Variants in ZNF169 observed in about 807,000 individuals in gnomAD.
The protein encoded by ZNF169 is zinc finger protein 169.
Under a neutral mutation model 12.0 loss-of-function variants are expected in ZNF169, and 11 were observed. The ratio of observed to expected loss-of-function variants is 0.92; its 90% CI spans 0.58 to 1.52. The LOEUF is 1.52. Among genes scored for constraint, ZNF169 ranks in the 40% most tolerant of loss-of-function variants. The pLI is 0.00. For missense variants in ZNF169, 722 were observed against 744.0 expected (o/e 0.97, Z 0.34); for synonymous variants, 302 against 286.5 (o/e 1.05, Z -0.55).
intron 1 of ZNF169, among the ~76,000 whole-genome samples, chr9:94,267,774 T>C (rs573679646): frequency 4.6e-4 from 70 of 152,286 alleles, no homozygotes; most frequent in African/African-American, 1.6e-3. Flanking sequence ...GTTTTTCCTC[T>C]ATTCTGATGT....
At position 94,300,106 on chromosome 9, in the gene ZNF169, G is replaced by A. The variant is rs769743544; in HGVS notation, c.548G>A (p.Gly183Glu). Reference protein sequence around the residue: ...VEWVEGNREGGTDLRLAQRMS... With the variant: ...VEWVEGNREGETDLRLAQRMS... ...TGGGTAGAAGGGAACAGAGAAGGAG[G>A]AACAGACCTTCGCCTGGCCCAAAGG... Residue 183 changes from glycine to glutamate, a missense_variant, in exon 5 of 5, where the codon GGA (glycine) becomes GAA (glutamate). Transcript: ENST00000395395. The A allele has an allele frequency of 8.1e-6, 13 of 1,614,042 alleles. No homozygotes were observed. The highest frequency in any genetic ancestry group is 1.1e-5 in the Non-Finnish European group (13 of 1,180,042).
At chr9:94,294,561 C>CA (rs1457806303) in intron 4 of ZNF169, 1 of 152,210 alleles carries the variant, frequency 6.6e-6, no homozygotes, top group African/African-American at 2.4e-5. Context: ...CTTATGCTCC[C>CA]AGCAGGAGTC....
rs1831082665 is a variant in ZNF169, at chr9:94,301,752, G to A, written c.*382G>A. On this transcript the variant is annotated 3_prime_UTR_variant, in exon 5 of 5. Coordinates refer to ENST00000395395, the MANE Select transcript of ZNF169 (RefSeq NM_194320.4). ...TGGTGTGGCTTCCTCCTCTTCTAGG[G>A]ACACCAGTCATTTTGGATAGAGCCA... 6.6e-6 allele frequency among the ~76,000 whole-genome samples: 1 copy of A among 152,054 alleles called. No homozygotes were observed. Among genetic ancestry groups the A allele is most frequent in the African/African-American group, 2.4e-5 (1 of 41,388 alleles).
Position 94,284,151 on chromosome 9 carries a change from G to T in ZNF169, c.33+5306G>T, listed in dbSNP as rs146951889. ...ATAAAAATCCTCCCAAGGGTCGGGC[G>T]CAGTGGCTCATACCTGTAACCCCAG... On this transcript the variant is annotated intron_variant, in intron 2 of 4. Coordinates refer to ENST00000395395, the MANE Select transcript of ZNF169 (RefSeq NM_194320.4). Among the ~76,000 whole-genome samples, 96 of 151,160 alleles carry T rather than the reference G, an allele frequency of 6.4e-4. 1 individual carries two copies. Among genetic ancestry groups the T allele is most frequent in the African/African-American group, 2.3e-3 (96 of 41,228 alleles).
chr9:94,275,448 G>T (rs80234859), intron 1 of ZNF169, among the ~76,000 whole-genome samples: 3,881 of 152,202 alleles, frequency 0.025, 183 homozygotes, highest in African/African-American at 0.087. Flanking sequence ...TACTTGTTGG[G>T]TTTGGTGTTC....
intron 1 of ZNF169, among the ~76,000 whole-genome samples, chr9:94,267,943 G>A (rs530797541): frequency 1.1e-3 from 154 of 139,214 alleles, no homozygotes; most frequent in African/African-American, 3.6e-3. Context: ...TCAGCTCACC[G>A]CAACCTGCCC....
At chr9:94,290,638 C>G (rs2118636785) in intron 2 of ZNF169, among the ~76,000 whole-genome samples, 1 of 152,248 alleles carries the variant, frequency 6.6e-6, no homozygotes. Flanking sequence ...TTTATTCATT[C>G]ATTTTTATTC....
chr9:94,297,942 G>A (rs1446091480), intron 4 of ZNF169, among the ~76,000 whole-genome samples: 1 of 152,240 alleles, frequency 6.6e-6, no homozygotes, highest in East Asian at 1.9e-4. Context: ...CAAGGCAGGC[G>A]AATCACTTGA....
intron 1 of ZNF169, among the ~76,000 whole-genome samples, chr9:94,271,119 A>G (rs1380307974): frequency 6.9e-6 from 1 of 145,760 alleles, no homozygotes; most frequent in Non-Finnish European, 1.5e-5. Flanking sequence ...TATTTTTGAG[A>G]CAGGATCTCA....
intron 1 of ZNF169, among the ~76,000 whole-genome samples, 187 bp downstream of exon 1, chr9:94,259,532 G>A (rs1367251675): frequency 6.6e-6 from 1 of 152,228 alleles, no homozygotes; most frequent in African/African-American, 2.4e-5. Flanking sequence ...GAGAGGTCTT[G>A]GCGGAGGTCC....
chr9:94,297,847 T>C (rs1830982068), intron 4 of ZNF169, among the ~76,000 whole-genome samples: 2 of 152,200 alleles, frequency 1.3e-5, no homozygotes, highest in South Asian at 4.1e-4. Context: ...ACTTGCCAGG[T>C]ACATTTCTGA....
chr9:94,273,454 T>C (rs1168908825), intron 1 of ZNF169, among the ~76,000 whole-genome samples: 1 of 151,864 alleles, frequency 6.6e-6, no homozygotes, highest in Admixed American at 6.6e-5. Context: ...ATTACTTCCT[T>C]TCTTCTTATT....
At chr9:94,277,891 C>T (rs1331994469) in intron 1 of ZNF169, among the ~76,000 whole-genome samples, 1 of 150,264 alleles carries the variant, frequency 6.7e-6, no homozygotes, top group African/African-American at 2.5e-5. Flanking sequence ...GAGATTGCGC[C>T]ACTGCACTCC....
At chr9:94,273,264 T>A (rs1440270927) in intron 1 of ZNF169, among the ~76,000 whole-genome samples, 1 of 152,144 alleles carries the variant, frequency 6.6e-6, no homozygotes, top group African/African-American at 2.4e-5. Context: ...GCTTGTTCTT[T>A]TAGTGTCATA....
intron 2 of ZNF169, among the ~76,000 whole-genome samples, chr9:94,287,030 C>T (rs765104648): frequency 6.6e-6 from 1 of 152,136 alleles, no homozygotes; most frequent in Admixed American, 6.5e-5. Context: ...GTTAGGAAAC[C>T]AAGGTTCCAT....
intron 1 of ZNF169, among the ~76,000 whole-genome samples, chr9:94,261,761 GT>G (rs1395047532): frequency 6.6e-6 from 1 of 152,182 alleles, no homozygotes; most frequent in Non-Finnish European, 1.5e-5. Context: ...TAAAACTTGT[GT>G]ATGACACTTC....
At chr9:94,284,241 G>T (rs866704686) in intron 2 of ZNF169, among the ~76,000 whole-genome samples, 1 of 151,156 alleles carries the variant, frequency 6.6e-6, no homozygotes, top group Non-Finnish European at 1.5e-5. Flanking sequence ...CCTGGCCAAC[G>T]TGGAGGAACC....
chr9:94,267,538 A>G (rs1260535449), intron 1 of ZNF169, among the ~76,000 whole-genome samples: 1 of 152,260 alleles, frequency 6.6e-6, no homozygotes, highest in Non-Finnish European at 1.5e-5. Flanking sequence ...GGTAGAGAGG[A>G]ACAAATATGC....
chr9:94,261,923 A>G (rs913382446), intron 1 of ZNF169, among the ~76,000 whole-genome samples: 3 of 152,250 alleles, frequency 2.0e-5, no homozygotes, highest in Non-Finnish European at 4.4e-5. Context: ...CAACTTCAGC[A>G]TTAATGATCA....
Sources: allele counts gnomAD v4.1 joint callset (sites outside exome capture counted in the v4.1 genomes callset), GRCh38; gene constraint gnomAD v4.1.1; transcripts MANE v1.5; gene names NCBI Gene and HGNC (gene_info 2026-07-23, HGNC 2026-07-21).